The following C10orf90 variants were observed in gnomAD, a reference collection of about 807,000 sequenced individuals.
The protein encoded by C10orf90 is (E2-independent) E3 ubiquitin-conjugating enzyme FATS.
A neutral mutation model predicts 62.5 loss-of-function variants in C10orf90; 56 were observed. That is an observed-to-expected ratio of 0.90 (90% CI 0.72 to 1.12). The LOEUF (loss-of-function observed/expected upper bound fraction) is 1.12, where lower values mean the gene tolerates loss of function less well. Among genes scored for constraint, C10orf90 ranks in the 50% most tolerant of loss-of-function variants. C10orf90 has a pLI of 0.00. For missense variants in C10orf90, 970 were observed against 880.4 expected, an observed-to-expected ratio of 1.10 and a Z score of -1.29; for synonymous variants, 386 against 340.4, an observed-to-expected ratio of 1.13 and a Z score of -1.47.
At position 126,427,732 on chromosome 10, in the gene C10orf90, C is replaced by G. The variant is rs1242643667; in HGVS notation, c.2253-1642G>C. On this transcript the variant is annotated intron_variant, in intron 8 of 9. Transcript: ENST00000488181. ...CTTGCACCGGGGGCTCTCAGGCCTT[C>G]AGCCACAGACTGAAGCCTATGCTGT... 2.6e-5 allele frequency among the ~76,000 whole-genome samples: 4 copies of G among 152,306 alleles called. No individual in the cohort carries two copies. In the South Asian group the frequency reaches 8.3e-4, roughly 32 times the overall value.
chr10:126,452,271 A>T (rs60962170), intron 7 of C10orf90, among the ~76,000 whole-genome samples: 3,559 of 152,248 alleles, frequency 0.023, 149 homozygotes, highest in African/African-American at 0.08. Context: ...TAAACTGCTC[A>T]TTTAAAGGAA....
intron 8 of C10orf90, among the ~76,000 whole-genome samples, chr10:126,428,503 C>A (rs1399992625): frequency 1.3e-5 from 2 of 152,182 alleles, no homozygotes; most frequent in Non-Finnish European, 2.9e-5. Context: ...GCAAACCCAG[C>A]TGCTAAATCC....
intron 4 of C10orf90, among the ~76,000 whole-genome samples, chr10:126,500,567 A>T (rs1198994411): frequency 6.6e-6 from 1 of 152,188 alleles, no homozygotes; most frequent in African/African-American, 2.4e-5. Flanking sequence ...TAAATTTTTT[A>T]TGATAGATTC....
chr10:126,491,160 G>T (rs1256582645), intron 4 of C10orf90, among the ~76,000 whole-genome samples: 1 of 152,188 alleles, frequency 6.6e-6, no homozygotes, highest in African/African-American at 2.4e-5. Context: ...TTTGCTGATA[G>T]AAATTAAAGA....
intron 7 of C10orf90, among the ~76,000 whole-genome samples, chr10:126,451,697 T>TAC (rs2134070509): frequency 6.6e-6 from 1 of 151,914 alleles, no homozygotes; most frequent in Non-Finnish European, 1.5e-5. Flanking sequence ...AGTCTATTGA[T>TAC]ATATATATAC....
At chr10:126,635,406 C>T (rs1845931021) in intron 2 of C10orf90, among the ~76,000 whole-genome samples, 1 of 152,008 alleles carries the variant, frequency 6.6e-6, no homozygotes, top group African/African-American at 2.4e-5. Context: ...TCGAAGAGCC[C>T]AAAATATCAG....
chr10:126,594,108 C>CTTTTTTTTTT (rs5788794), intron 2 of C10orf90, among the ~76,000 whole-genome samples: 1 of 132,072 alleles, frequency 7.6e-6, no homozygotes, highest in African/African-American at 2.8e-5. Flanking sequence ...ACCAGGCTTG[C>CTTTTTTTTTT]TTTTTTTTTT....
intron 2 of C10orf90, among the ~76,000 whole-genome samples, chr10:126,603,794 G>T (rs1845249636): frequency 1.3e-5 from 2 of 152,176 alleles, no homozygotes; most frequent in African/African-American, 4.8e-5. Flanking sequence ...AGGCCGAAAA[G>T]GCCTCACAGT....
At chr10:126,462,634 A>G (rs942701287) in intron 5 of C10orf90, among the ~76,000 whole-genome samples, 1 of 152,160 alleles carries the variant, frequency 6.6e-6, no homozygotes, top group Non-Finnish European at 1.5e-5. Flanking sequence ...CCCACTCTGC[A>G]TCTCTCCACA....
chr10:126,522,851 C>G (rs939943623), intron 2 of C10orf90: 1 of 152,166 alleles, frequency 6.6e-6, no homozygotes, highest in Non-Finnish European at 1.5e-5. Flanking sequence ...ACTCTTGGTG[C>G]CACCACATTT....
chr10:126,442,623 T>TTGTG (rs1282867966), intron 7 of C10orf90, among the ~76,000 whole-genome samples: 30 of 113,332 alleles, frequency 2.6e-4, no homozygotes, highest in East Asian at 1.1e-3. Context: ...CCTACTATTA[T>TTGTG]TGTGTGTGTG....
intron 2 of C10orf90, among the ~76,000 whole-genome samples, chr10:126,626,888 C>A (rs1845753346): frequency 6.6e-6 from 1 of 152,220 alleles, no homozygotes; most frequent in African/African-American, 2.4e-5. Context: ...CATTCAGCAG[C>A]TGCCTCCGCT....
intron 4 of C10orf90, among the ~76,000 whole-genome samples, chr10:126,476,244 C>T (rs1860858707): frequency 6.6e-6 from 1 of 152,196 alleles, no homozygotes; most frequent in South Asian, 2.1e-4. Context: ...CGGCTGACAT[C>T]ATCTCTCTGG....
At chr10:126,644,218 A>T (rs1846119905) in intron 2 of C10orf90, among the ~76,000 whole-genome samples, 1 of 151,970 alleles carries the variant, frequency 6.6e-6, no homozygotes, top group African/African-American at 2.4e-5. Context: ...TGAGTTCCTC[A>T]CTCTGCCTTT....
chr10:126,605,179 G>C (rs1288357710), intron 2 of C10orf90, among the ~76,000 whole-genome samples: 1 of 152,236 alleles, frequency 6.6e-6, no homozygotes, highest in East Asian at 1.9e-4. Flanking sequence ...AGTAGAGCCA[G>C]AATTTGGGCC....
At chr10:126,430,320 T>C (rs578032371) in intron 7 of C10orf90, among the ~76,000 whole-genome samples, 1 of 152,310 alleles carries the variant, frequency 6.6e-6, no homozygotes, top group African/African-American at 2.4e-5. Context: ...CTCTGCACGA[T>C]AAAGACCACC....
intron 2 of C10orf90, among the ~76,000 whole-genome samples, chr10:126,536,868 G>A (rs1864251099): frequency 1.3e-5 from 2 of 152,150 alleles, no homozygotes; most frequent in Non-Finnish European, 2.9e-5. Context: ...AGCTTCTGAG[G>A]GCTGGATTGG....
intron 2 of C10orf90, among the ~76,000 whole-genome samples, chr10:126,566,780 G>A (rs1437127230): frequency 6.6e-6 from 1 of 152,164 alleles, no homozygotes; most frequent in Non-Finnish European, 1.5e-5. Context: ...GACCAGGGAG[G>A]GGCAAGAGCG....
chr10:126,508,170 AGAGAG>A (rs1564843822), intron 3 of C10orf90, among the ~76,000 whole-genome samples: 3 of 151,532 alleles, frequency 2.0e-5, no homozygotes. Flanking sequence ...AGAGAGAGAG[AGAGAG>A]AGAGAGAGAG....
Sources: gnomAD v4.1 joint callset for allele counts (sites outside exome capture counted in the v4.1 genomes callset) on GRCh38, gnomAD v4.1.1 for gene constraint, MANE v1.5 for transcripts, NCBI Gene and HGNC (gene_info 2026-07-23, HGNC 2026-07-21) for gene names.